LPCAT3: variants seen among roughly 807,000 people sequenced by gnomAD.
LPCAT3 encodes lysophospholipid acyltransferase 5.
A neutral mutation model predicts 63.4 loss-of-function variants in LPCAT3; 21 were observed. The observed-to-expected ratio is 0.33, with a 90% CI of 0.23 to 0.48. LPCAT3 has a LOEUF of 0.48. Among genes scored for constraint, LPCAT3 ranks in the 20% least tolerant of loss-of-function variants. The probability of loss-of-function intolerance (pLI) is 0.99; values close to 1 mark genes in which losing one functional copy is unlikely to be tolerated. For synonymous variants in LPCAT3, 242 were observed against 227.5 expected, an observed-to-expected ratio of 1.06 and a Z score of -0.58; for missense variants, 451 against 590.6, an observed-to-expected ratio of 0.76 and a Z score of 2.45.
At chr12:6,986,706 C>CT (rs1946529294) in intron 1 of LPCAT3, among the ~76,000 whole-genome samples, 1 of 147,570 alleles carries the variant, frequency 6.8e-6, no homozygotes, top group East Asian at 2.0e-4. Flanking sequence ...TCGCTTGAAC[C>CT]TGGGAGGCAG....
rs1555157766 is a variant in LPCAT3 at position 7,018,265 on chromosome 12, G to C, written c.151+9C>G. 1 of 1,593,918 alleles carries C rather than the reference G, an allele frequency of 6.3e-7. No homozygotes were observed. Among genetic ancestry groups the C allele is most frequent in the Non-Finnish European group, 8.5e-7 (1 of 1,170,536 alleles). On this transcript the variant is annotated intron_variant, in intron 1 of 12. Transcript: ENST00000261407. This position sits in a 1 kb window ranked among gnomAD's most constrained non-coding sequence, Gnocchi z 4.9. Reference sequence around the variant, plus strand: ...CGCGAGGGGCGGAGGGAGGCAGGAGGGTCCTTACCCAGGAAGATGGAGATG... The same window carrying C: ...CGCGAGGGGCGGAGGGAGGCAGGAGCGTCCTTACCCAGGAAGATGGAGATG...
rs1209206408 is a variant in LPCAT3 at position 6,982,056 on chromosome 12, T to C, written c.367-152A>G. 3 of 613,014 alleles carry C rather than the reference T, an allele frequency of 4.9e-6. No homozygotes were observed. In the African/African-American group the frequency reaches 5.5e-5, roughly 11 times the overall value. 38.0% of individuals were successfully genotyped at this position (613,014 alleles called of 1,614,324 possible). The stretch of plus-strand genomic sequence containing the variant: ...AAATGGAGGTGCTGAAAACCTGTAA[T>C]GGGAAGAGCGTTGCTCAAGGCTTCT... On this transcript the variant is annotated intron_variant, in intron 3 of 12. Transcript: ENST00000261407.
chr12:7,011,647 C>CAAAAAAAAAA (rs1177972639), intron 1 of LPCAT3, among the ~76,000 whole-genome samples: 2 of 75,732 alleles, frequency 2.6e-5, no homozygotes, highest in Non-Finnish European at 5.5e-5. Context: ...CACCATGTCT[C>CAAAAAAAAAA]AAAAAAAAAA....
Position 7,018,384 on chromosome 12 carries a change from G to A in LPCAT3, c.41C>T (p.Ala14Val). The A allele has an allele frequency of 6.2e-7, 1 of 1,612,062 alleles. No individual in the cohort carries two copies. The highest frequency in any genetic ancestry group is 1.3e-5 in the African/African-American group (1 of 75,032). Reference protein sequence around the residue: ...SAEGDEGTVVALAGVLQSGFQ... With the variant: ...SAEGDEGTVVVLAGVLQSGFQ... The stretch of plus-strand genomic sequence containing the variant: ...ACCCGACTGCAGAACCCCCGCCAGC[G>A]CCACCACAGTCCCCTCGTCCCCCTC... The change falls in exon 1 of 13, where the codon GCG (alanine) becomes GTG (valine). Residue 14 changes from alanine (A) to valine (V), a missense_variant. Physicochemically the swap from Ala to Val is moderately conservative, Grantham distance 64 (BLOSUM62 0). Around this residue, in one of 3 missense-constraint regions of LPCAT3, gnomAD observed 133 missense variants for 152.1 expected, o/e 0.87. Transcript: ENST00000261407. The surrounding 1 kb of genome is among the most constrained non-coding windows in gnomAD (Gnocchi z 4.9).
chr12:6,983,695 A>G (rs1946494803), intron 1 of LPCAT3, among the ~76,000 whole-genome samples, 156 bp from the exon 2 acceptor site: 1 of 152,226 alleles, frequency 6.6e-6, no homozygotes, highest in African/African-American at 2.4e-5. Context: ...CAATAACGGT[A>G]TCCCCAAGAA....
intron 1 of LPCAT3, among the ~76,000 whole-genome samples, chr12:6,989,460 G>A (rs981795299): frequency 1.3e-5 from 2 of 151,906 alleles, no homozygotes; most frequent in East Asian, 3.9e-4. Context: ...ACAGGCGCCC[G>A]CCATCACGCC....
rs781978246 is a variant in LPCAT3 at position 6,983,449 on chromosome 12, A to G, written c.242T>C (p.Ile81Thr). 1.2e-6 allele frequency: 2 copies of G among 1,605,428 alleles called. No homozygotes were observed. Among genetic ancestry groups the G allele is most frequent in the Non-Finnish European group, 8.5e-7 (1 of 1,172,930 alleles). ...HLFHTFTGLS[I>T]AYFNFGNQLY... ...TTACTCACCAAAGTTAAAATAAGCA[A>G]TTGAGAGGCCTGTAAAGGTATGGAA... Residue 81 changes from isoleucine (I) to threonine (T), a missense_variant, in exon 2 of 13, where the codon ATT becomes ACT. Around this residue, in one of 3 missense-constraint regions of LPCAT3, gnomAD observed 133 missense variants for 152.1 expected, o/e 0.87. Coordinates refer to ENST00000261407, the MANE Select transcript of LPCAT3 (RefSeq NM_005768.6).
chr12:6,987,727 A>C lies in LPCAT3; in HGVS notation c.152-4188T>G. On this transcript the variant is annotated intron_variant, in intron 1 of 12. Transcript: ENST00000261407. The surrounding 1 kb of genome is among the most constrained non-coding windows in gnomAD (Gnocchi z 4.1). ...CATTTGGAATGCTCGAAATTAAAAA[A>C]CACCACACATATTACTCTGCCTCTT... 2.5e-6 allele frequency: 1 copy of C among 400,372 alleles called. No homozygotes were observed. 24.8% of individuals were successfully genotyped at this position (400,372 alleles called of 1,614,324 possible). A position where few individuals can be genotyped will look rare whatever the true frequency, so the allele number is the denominator to read the frequency against.
chr12:6,983,617 T>G (rs1555154440), intron 1 of LPCAT3, 78 bp from the exon 2 acceptor site: 2 of 864,260 alleles, frequency 2.3e-6, no homozygotes, highest in Non-Finnish European at 3.9e-6. Flanking sequence ...TTATCTGGCA[T>G]GAAACGCAGC....
chr12:6,977,379 G>A lies in LPCAT3; in HGVS notation c.1335C>T (p.Asp445=), dbSNP rs782767044. The A allele has an allele frequency of 8.1e-6, 13 of 1,614,186 alleles. No individual in the cohort carries two copies. Among genetic ancestry groups the A allele is most frequent in the Admixed American group, 1.7e-5 (1 of 60,016 alleles). Residue 445 remains aspartate, a synonymous_variant, in exon 11 of 13, where the codon GAC becomes GAT. Transcript: ENST00000261407. This position sits in a 1 kb window ranked among gnomAD's most constrained non-coding sequence, Gnocchi z 4.5. ...SMTAFCLFTW[D]KWLKVYKSIY... ...GGCCTTCACTTGCCTTAAGCCATTT[G>A]TCCCACGTGAAGAGGCAGAAGGCAG...
intron 1 of LPCAT3, among the ~76,000 whole-genome samples, chr12:6,992,516 T>C (rs1946598906): frequency 6.6e-6 from 1 of 152,182 alleles, no homozygotes; most frequent in South Asian, 2.1e-4. Context: ...AGTGTCAACA[T>C]AGGGAAAAGA....
chr12:6,984,574 C>T (rs932822239), intron 1 of LPCAT3, among the ~76,000 whole-genome samples: 1 of 152,136 alleles, frequency 6.6e-6, no homozygotes, highest in Non-Finnish European at 1.5e-5. Flanking sequence ...ATACTTTCTG[C>T]AATTCTTGCT....
chr12:6,982,119 T>C (rs185707969), intron 3 of LPCAT3, among the ~76,000 whole-genome samples: 1 of 152,214 alleles, frequency 6.6e-6, no homozygotes, highest in East Asian at 1.9e-4. Flanking sequence ...AGAATTTAGA[T>C]GCTGGGACCA....
At chr12:6,994,450 G>A (rs1217350423) in intron 1 of LPCAT3, among the ~76,000 whole-genome samples, 2 of 151,738 alleles carry the variant, frequency 1.3e-5, no homozygotes, top group Non-Finnish European at 2.9e-5. Context: ...TCAAGTGATC[G>A]ACCTGCCTTG....
intron 1 of LPCAT3, among the ~76,000 whole-genome samples, chr12:7,010,877 A>G (rs886433277): frequency 2.0e-5 from 3 of 152,174 alleles, no homozygotes; most frequent in Admixed American, 2.0e-4. Context: ...TCCTTCTGTC[A>G]TCTAGGTTGG....
At position 6,978,400 on chromosome 12, in the gene LPCAT3, G is replaced by C; in HGVS notation, c.981C>G (p.Asn327Lys). 1 of 1,613,678 alleles carries C rather than the reference G, an allele frequency of 6.2e-7. No homozygotes were observed. The change falls in exon 9 of 13, where the codon AAC (asparagine) becomes AAG (lysine). Residue 327 changes from asparagine to lysine, a missense_variant. Asn to Lys is a moderately conservative substitution (Grantham distance 94). Coordinates refer to ENST00000261407, the MANE Select transcript of LPCAT3 (RefSeq NM_005768.6). ...AGGCAATGGTGCCAGTGAAGCGGGG[G>C]TTTGTTTCAAAGAGCCACACCTTCA... is the stretch of plus-strand genomic sequence containing the variant. ...ANMKVWLFET[N>K]PRFTGTIASF...
intron 1 of LPCAT3, among the ~76,000 whole-genome samples, chr12:6,999,112 A>G (rs782239451): frequency 1.3e-3 from 204 of 152,374 alleles, no homozygotes; most frequent in African/African-American, 4.6e-3. Flanking sequence ...TTATAGACAT[A>G]AGCACACCCA....
intron 1 of LPCAT3, among the ~76,000 whole-genome samples, chr12:7,007,202 C>G (rs950015649): frequency 1.3e-5 from 2 of 151,804 alleles, no homozygotes; most frequent in Non-Finnish European, 2.9e-5. Context: ...TGCCACCATG[C>G]CCGGCTAATT....
chr12:7,001,942 G>C (rs1238103300), intron 1 of LPCAT3, among the ~76,000 whole-genome samples: 1 of 152,282 alleles, frequency 6.6e-6, no homozygotes, highest in Middle Eastern at 3.4e-3. Context: ...GTGAGATGTG[G>C]GAGTCGGGGG....
Sources: gnomAD v4.1 joint callset for allele counts (sites outside exome capture counted in the v4.1 genomes callset) on GRCh38, gnomAD v4.1.1 for gene constraint, gnomAD v4.1.1 regional missense constraint, Gnocchi (gnomAD v3.1) non-coding constraint, MANE v1.5 for transcripts, NCBI Gene and HGNC (gene_info 2026-07-23, HGNC 2026-07-21) for gene names.